The following ZNF653 variants were observed in gnomAD, a reference collection of about 807,000 sequenced individuals.
ZNF653 encodes 67 kDa zinc finger protein.
A neutral mutation model predicts 59.9 loss-of-function variants in ZNF653; 37 were observed. The ratio of observed to expected loss-of-function variants is 0.62; its 90% CI spans 0.48 to 0.81. ZNF653 has a LOEUF of 0.81. ZNF653 is among the 40% of genes least tolerant of loss of function. The pLI is 0.00. For missense variants in ZNF653, 808 were observed against 881.1 expected (o/e 0.92, Z 1.05); for synonymous variants, 435 against 371.8 (o/e 1.17, Z -1.96).
rs1041618266 is a variant in ZNF653, at chr19:11,505,765, G to C, written c.22C>G (p.Pro8Ala). MAERALE[P>A]EAEAEAEAGA... ...GCCTCAGCCTCCGCCTCCGCCTCGG[G>C]CTCTAGCGCCCGCTCCGCCATCCCC... The change falls in exon 1 of 9, where the codon CCC becomes GCC. Residue 8 changes from proline to alanine, a missense_variant. Coordinates refer to ENST00000293771, the MANE Select transcript of ZNF653 (RefSeq NM_138783.4). 9.1e-6 allele frequency: 13 copies of C among 1,422,450 alleles called. No individual in the cohort carries two copies. The African/African-American group carries it at 1.1e-4, about 12-fold the overall frequency. 88.1% of individuals were successfully genotyped at this position (1,422,450 alleles called of 1,614,324 possible). A position where few individuals can be genotyped will look rare whatever the true frequency, so the allele number is the denominator to read the frequency against.
intron 3 of ZNF653, among the ~76,000 whole-genome samples, chr19:11,494,327 G>GATAACATAAC (rs71166604): frequency 0.04 from 5,555 of 139,634 alleles, 155 homozygotes; most frequent in East Asian, 0.09. Flanking sequence ...GTCTCAAAAA[G>GATAACATAAC]ATAACATAAC....
chr19:11,497,211 C>T lies in ZNF653; in HGVS notation c.344-1046G>A, dbSNP rs562651342. Reference sequence around the variant, plus strand: ...ATCTGTGGCCATTTGTTTACATGTGCCCTGTCTGTCTCTCCCACCAGAATG... The same window carrying T: ...ATCTGTGGCCATTTGTTTACATGTGTCCTGTCTGTCTCTCCCACCAGAATG... On this transcript the variant is annotated intron_variant, in intron 2 of 8. Coordinates refer to ENST00000293771, the MANE Select transcript of ZNF653 (RefSeq NM_138783.4). Among the ~76,000 whole-genome samples, 19 of 152,366 alleles carry T rather than the reference C, an allele frequency of 1.2e-4. No individual in the cohort carries two copies. In the South Asian group the frequency reaches 3.1e-3, roughly 25 times the overall value.
intron 1 of ZNF653, among the ~76,000 whole-genome samples, chr19:11,503,062 G>A (rs2144953970): frequency 1.3e-5 from 2 of 151,668 alleles, no homozygotes; most frequent in Non-Finnish European, 2.9e-5. Flanking sequence ...GGGGGCATCA[G>A]GGGAAATAAA....
At chr19:11,494,319 C>CTTT (rs1272952462) in intron 3 of ZNF653, among the ~76,000 whole-genome samples, 1 of 143,782 alleles carries the variant, frequency 7.0e-6, no homozygotes, top group East Asian at 2.1e-4. Context: ...CAGAATCTGT[C>CTTT]TCAAAAAGAT....
chr19:11,494,944 G>C (rs2144944336), intron 3 of ZNF653, among the ~76,000 whole-genome samples: 1 of 152,356 alleles, frequency 6.6e-6, no homozygotes, highest in East Asian at 1.9e-4. Context: ...GCGGAATGCA[G>C]ATCATGGGAT....
rs987627320 is a variant in ZNF653 at position 11,487,965 on chromosome 19, AG to A, written c.560-63del. ...TGCAGCCACTGGTATTTGTTTATTT[AG>A]TTTTTATTTTATTTTATTTATTTAT... On this transcript the variant is annotated intron_variant, in intron 3 of 8. Transcript: ENST00000293771. The surrounding 1 kb of genome is among the most constrained non-coding windows in gnomAD (Gnocchi z 5.1). 4.5e-5 allele frequency: 56 copies of A among 1,240,312 alleles called. No homozygotes were observed. Among genetic ancestry groups the A allele is most frequent in the Non-Finnish European group, 5.5e-5 (54 of 989,846 alleles). 76.8% of individuals were successfully genotyped at this position (1,240,312 alleles called of 1,614,324 possible).
chr19:11,489,930 G>A (rs1470708987), intron 3 of ZNF653, among the ~76,000 whole-genome samples: 1 of 152,190 alleles, frequency 6.6e-6, no homozygotes, highest in Non-Finnish European at 1.5e-5. Context: ...CCAGGCTAAT[G>A]GGGTTAAAGG....
rs762481773 is a variant in ZNF653 at position 11,505,495 on chromosome 19, G to T, written c.292C>A (p.Arg98Ser). ...ISLERGQRSGRHGKPWEQVPK... is the reference protein window; with the variant it reads ...ISLERGQRSGSHGKPWEQVPK... ...GGGGCCAGGCCCCCTCACCCGTGGC[G>T]GCCGCTCCGCTGGCCGCGCTCCAGA... Residue 98 changes from arginine (R) to serine (S), a missense_variant, in exon 1 of 9, where the codon CGC (arginine) becomes AGC (serine). Coordinates refer to ENST00000293771, the MANE Select transcript of ZNF653 (RefSeq NM_138783.4). 3.4e-6 allele frequency: 5 copies of T among 1,486,816 alleles called. No homozygotes were observed. The highest frequency in any genetic ancestry group is 1.3e-5 in the South Asian group (1 of 77,912). The allele number at this position is 1,486,816 out of a possible 1,614,324, so 92.1% of individuals were successfully genotyped here.
rs1050225370 is a variant in ZNF653, at chr19:11,483,536, C to A, written c.*146G>T. ...GCGGTGGGGCGGGGTGGGGAACCTG[C>A]CCAGGGGGCCCAGCTCTGGGGCGGG... On this transcript the variant is annotated 3_prime_UTR_variant, in exon 9 of 9. Coordinates refer to ENST00000293771, the MANE Select transcript of ZNF653 (RefSeq NM_138783.4). 3 of 1,407,066 alleles carry A rather than the reference C, an allele frequency of 2.1e-6. No individual in the cohort carries two copies. The African/African-American group carries it at 4.5e-5, about 21-fold the overall frequency. 87.2% of individuals were successfully genotyped at this position (1,407,066 alleles called of 1,614,324 possible).
chr19:11,492,575 G>A (rs1006620016), intron 3 of ZNF653, among the ~76,000 whole-genome samples: 44 of 151,030 alleles, frequency 2.9e-4, no homozygotes, highest in Admixed American at 2.0e-4. Flanking sequence ...TCTAAGCCGT[G>A]GCCTCAAGCA....
At chr19:11,497,001 G>A (rs1971595642) in intron 2 of ZNF653, among the ~76,000 whole-genome samples, 1 of 152,222 alleles carries the variant, frequency 6.6e-6, no homozygotes, top group South Asian at 2.1e-4. Flanking sequence ...AGCGGGCTAG[G>A]TGTGGCCCTG....
In ZNF653 at chr19:11,483,670, T is replaced by TGGTCAGGTG. The variant is rs779989160; in HGVS notation, c.*3_*11dup. The TGGTCAGGTG allele has an allele frequency of 4.4e-6, 7 of 1,605,748 alleles. No homozygotes were observed. The highest frequency in any genetic ancestry group is 6.0e-6 in the Non-Finnish European group (7 of 1,173,272). On this transcript the variant is annotated 3_prime_UTR_variant, in exon 9 of 9. Transcript: ENST00000293771. The stretch of plus-strand genomic sequence containing the variant: ...CGGACGAATAAATAGGGGCGGTCAG[T>TGGTCAGGTG]GGTCAGGTGGGTCAGGTGGGCTTGT...
chr19:11,499,358 T>G lies in ZNF653; in HGVS notation c.300-1019A>C, dbSNP rs1424892310. Reference sequence around the variant, plus strand: ...GTAGGACTGGATGTCAAGCCTTGGTTAGGTGACTGTGAGTTAATCAAACGG... The same window carrying G: ...GTAGGACTGGATGTCAAGCCTTGGTGAGGTGACTGTGAGTTAATCAAACGG... On this transcript the variant is annotated intron_variant, in intron 1 of 8. Transcript: ENST00000293771. 3.3e-5 allele frequency among the ~76,000 whole-genome samples: 5 copies of G among 152,154 alleles called. No individual in the cohort carries two copies. In the East Asian group the frequency reaches 9.6e-4, roughly 29 times the overall value.
In ZNF653 at chr19:11,498,317, T is replaced by C; in HGVS notation, c.322A>G (p.Lys108Glu). The change falls in exon 2 of 9, where the codon AAA becomes GAA. Residue 108 changes from lysine (K) to glutamate (E), a missense_variant. Coordinates refer to ENST00000293771, the MANE Select transcript of ZNF653 (RefSeq NM_138783.4). Reference sequence around the variant, plus strand: ...TTACTTTTCTTCCGCTTTGGCTTTTTGGGGACCTGCTCCCAAGGCTTCCTG... The same window carrying C: ...TTACTTTTCTTCCGCTTTGGCTTTTCGGGGACCTGCTCCCAAGGCTTCCTG... The part of the protein sequence containing the change: ...RHGKPWEQVP[K>E]KPKRKKRRRR... 6.2e-7 allele frequency: 1 copy of C among 1,614,074 alleles called. No homozygotes were observed. Among genetic ancestry groups the C allele is most frequent in the East Asian group, 2.2e-5 (1 of 44,874 alleles).
rs117593683 is a variant in ZNF653 at position 11,495,227 on chromosome 19, G to A, written c.559+723C>T. On this transcript the variant is annotated intron_variant, in intron 3 of 8. Coordinates refer to ENST00000293771, the MANE Select transcript of ZNF653 (RefSeq NM_138783.4). The surrounding 1 kb of genome is among the most constrained non-coding windows in gnomAD (Gnocchi z 4.9). ...GCCGGCAGCCCCCTCACCACTCACC[G>A]GGGCCAACTGAGCCTCCCTCACTGA... is the stretch of plus-strand genomic sequence containing the variant. Among the ~76,000 whole-genome samples the A allele has an allele frequency of 2.2e-3, 334 of 152,206 alleles. 18 individuals are homozygous for A. The East Asian group carries it at 0.058, about 27-fold the overall frequency.
Position 11,505,550 on chromosome 19 carries a change from G to A in ZNF653, c.237C>T (p.Ser79=), listed in dbSNP as rs1477174140. 6.6e-7 allele frequency: 1 copy of A among 1,511,824 alleles called. No individual in the cohort carries two copies. The highest frequency in any genetic ancestry group is 2.8e-5 in the East Asian group (1 of 35,484). The allele number at this position is 1,511,824 out of a possible 1,614,324, so 93.7% of individuals were successfully genotyped here. The stretch of plus-strand genomic sequence containing the variant: ...TGAGGTAGGCGGCGAGCTTGGCGTC[G>A]CTCCAGCCGCTGCGGCGCCGCAGGT... ...WVDLRRRSGW[S]DAKLAAYLIS... Residue 79 remains serine, a synonymous_variant, in exon 1 of 9, where the codon AGC becomes AGT. Transcript: ENST00000293771.
At chr19:11,494,353 A>ATAACG (rs1249117949) in intron 3 of ZNF653, among the ~76,000 whole-genome samples, 1 of 147,844 alleles carries the variant, frequency 6.8e-6, no homozygotes, top group African/African-American at 2.6e-5. Context: ...ATAACATAAC[A>ATAACG]TAACATAACA....
At chr19:11,494,768 C>T (rs1458564380) in intron 3 of ZNF653, among the ~76,000 whole-genome samples, 1 of 152,228 alleles carries the variant, frequency 6.6e-6, no homozygotes, top group Non-Finnish European at 1.5e-5. Context: ...ACCACCCACA[C>T]CCCAGCCTGA....
chr19:11,483,675 A>G lies in ZNF653; in HGVS notation c.*7T>C, dbSNP rs201098385. 17,694 of 1,607,082 alleles carry G rather than the reference A, an allele frequency of 0.011. 161 individuals carry two copies. The highest frequency in any genetic ancestry group is 0.03 in the Middle Eastern group (180 of 6,034). ...GAATAAATAGGGGCGGTCAGTGGTC[A>G]GGTGGGTCAGGTGGGCTTGTGATCC... On this transcript the variant is annotated 3_prime_UTR_variant, in exon 9 of 9. Coordinates refer to ENST00000293771, the MANE Select transcript of ZNF653 (RefSeq NM_138783.4).
Sources: gnomAD v4.1 joint callset for allele counts (sites outside exome capture counted in the v4.1 genomes callset) on GRCh38, gnomAD v4.1.1 for gene constraint, Gnocchi (gnomAD v3.1) non-coding constraint, MANE v1.5 for transcripts, NCBI Gene and HGNC (gene_info 2026-07-23, HGNC 2026-07-21) for gene names.